NUP210: variants seen among roughly 807,000 people sequenced by gnomAD.
The protein encoded by NUP210 is nucleoporin 210.
Under a neutral mutation model 196.0 loss-of-function variants are expected in NUP210, and 151 were observed. The ratio of observed to expected loss-of-function variants is 0.77; its 90% confidence interval spans 0.67 to 0.88. The LOEUF is 0.88. NUP210 is among the 40% of genes least tolerant of loss of function. The probability of loss-of-function intolerance (pLI) is 0.00; values close to 1 mark genes in which losing one functional copy is unlikely to be tolerated. For missense variants in NUP210, 2,314 were observed against 2,493.7 expected (o/e 0.93, Z 1.53); for synonymous variants, 1,070 against 1,052.7 (o/e 1.02, Z -0.32).
At position 13,373,778 on chromosome 3, in the gene NUP210, G is replaced by C. The variant is rs113753878; in HGVS notation, c.1527C>G (p.Ile509Met). The change falls in exon 12 of 40, where the codon ATC becomes ATG. Residue 509 changes from isoleucine (I) to methionine (M), a missense_variant. Physicochemically the swap from Ile to Met is conservative, Grantham distance 10 (BLOSUM62 1). Coordinates refer to ENST00000254508, the MANE Select transcript of NUP210 (RefSeq NM_024923.4). ...CATGTGCCTGGATCACACTGAACCC[G>C]ATGTCACTGCCTGTGGTCATCACGC... ...VKGVMTTGSD[I>M]GFSVIQAHDV... 64 of 1,614,056 alleles carry C rather than the reference G, an allele frequency of 4.0e-5. No homozygotes were observed. Among genetic ancestry groups the C allele is most frequent in the Non-Finnish European group, 4.7e-5 (55 of 1,180,024 alleles).
intron 16 of NUP210, among the ~76,000 whole-genome samples, chr3:13,355,512 T>C (rs965853939): frequency 6.6e-6 from 1 of 152,162 alleles, no homozygotes; most frequent in African/African-American, 2.4e-5. Flanking sequence ...GCTTGTGCCA[T>C]GTGAAGCTAC....
At chr3:13,362,249 T>C (rs1260062439) in intron 14 of NUP210, among the ~76,000 whole-genome samples, 1 of 151,962 alleles carries the variant, frequency 6.6e-6, no homozygotes, top group East Asian at 1.9e-4. Flanking sequence ...GGTGGAAGGG[T>C]CATGCTAGCT....
chr3:13,351,995 T>C lies in NUP210; in HGVS notation c.2734-15A>G, dbSNP rs745793063. 1 of 1,607,344 alleles carries C rather than the reference T, an allele frequency of 6.2e-7. No homozygotes were observed. Among genetic ancestry groups the C allele is most frequent in the Non-Finnish European group, 8.5e-7 (1 of 1,174,340 alleles). ...CGGAGCTCTGCCTGCAGGAGGCAGA[T>C]GCAGGGAGGGTTGGGCCGCATGTGG... is the stretch of plus-strand genomic sequence containing the variant. On this transcript the variant is annotated splice_polypyrimidine_tract_variant and intron_variant, in intron 19 of 39. Transcript: ENST00000254508.
At position 13,319,762 on chromosome 3, in the gene NUP210, C is replaced by T. The variant is rs202157053; in HGVS notation, c.5383+1G>A. On this transcript the variant is annotated splice_donor_variant, in intron 37 of 39. Coordinates refer to ENST00000254508, the MANE Select transcript of NUP210 (RefSeq NM_024923.4). LOFTEE classifies it high-confidence loss of function. ...CCAGATGATGTCGTTCCGTGACTCACAAGGACCGGGCCCACGGCGATCCAC... is the reference window on the plus strand; with the variant it reads ...CCAGATGATGTCGTTCCGTGACTCATAAGGACCGGGCCCACGGCGATCCAC... 7.6e-5 allele frequency: 122 copies of T among 1,613,858 alleles called. No homozygotes were observed. Among genetic ancestry groups the T allele is most frequent in the Non-Finnish European group, 9.6e-5 (113 of 1,179,870 alleles).
intron 36 of NUP210, among the ~76,000 whole-genome samples, 156 bp from the exon 37 acceptor site, chr3:13,320,135 C>G (rs1448993929): frequency 6.6e-6 from 1 of 152,100 alleles, no homozygotes; most frequent in Non-Finnish European, 1.5e-5. Context: ...CTCCTGGGGC[C>G]CAAGGGTACA....
rs367651158 is a variant in NUP210, at chr3:13,394,332, C to A, written c.436+3025G>T. 2.6e-4 allele frequency among the ~76,000 whole-genome samples: 40 copies of A among 152,312 alleles called. 3 individuals are homozygous for A. Among genetic ancestry groups the A allele is most frequent in the South Asian group, 2.3e-3 (11 of 4,828 alleles). ...GTGGGCCAGGAAATAGCTGTGAAAA[C>A]CTCTGCTCAAAGTTTTGCTTTTTCC... On this transcript the variant is annotated intron_variant, in intron 3 of 39. Transcript: ENST00000254508.
intron 33 of NUP210, among the ~76,000 whole-genome samples, chr3:13,324,894 G>A (rs1200235494): frequency 2.0e-5 from 3 of 152,204 alleles, no homozygotes; most frequent in Non-Finnish European, 4.4e-5. Context: ...CTTCTGACGT[G>A]CTAACTCACT....
chr3:13,377,678 C>T, intron 8 of NUP210, 116 bp from the exon 9 acceptor site: 1 of 714,286 alleles, frequency 1.4e-6, no homozygotes, highest in Non-Finnish European at 2.4e-6. Flanking sequence ...AAGCCCCACT[C>T]CACCCACCTG....
rs200363451 is a variant in NUP210 at position 13,339,844 on chromosome 3, C to T, written c.3471+10G>A. The T allele has an allele frequency of 1.9e-5, 31 of 1,608,238 alleles. No individual in the cohort carries two copies. The highest frequency in any genetic ancestry group is 1.5e-4 in the Admixed American group (9 of 60,020). The stretch of plus-strand genomic sequence containing the variant: ...CACAGCTGCCCAGTCTCCAATAGCA[C>T]GCCTGTTACCTGAGAGATGATGACC... On this transcript the variant is annotated intron_variant, in intron 25 of 39. Transcript: ENST00000254508.
chr3:13,347,931 C>T lies in NUP210; in HGVS notation c.2835+3948G>A, dbSNP rs1697814086. Among the ~76,000 whole-genome samples the T allele has an allele frequency of 6.6e-6, 1 of 152,206 alleles. No homozygotes were observed. Among genetic ancestry groups the T allele is most frequent in the Non-Finnish European group, 1.5e-5 (1 of 68,040 alleles). ...AGCCTGAAATGAAGGGAGGTGAAGACCCCAGTGGGCAGGGCGCCTCCATGG... is the reference window on the plus strand; with the variant it reads ...AGCCTGAAATGAAGGGAGGTGAAGATCCCAGTGGGCAGGGCGCCTCCATGG... On this transcript the variant is annotated intron_variant, in intron 20 of 39. Transcript: ENST00000254508. The surrounding 1 kb of genome is among the most constrained non-coding windows in gnomAD (Gnocchi z 4.7).
chr3:13,391,201 C>G lies in NUP210; in HGVS notation c.533+10G>C. ...TCAAAGGGGCCAGGCCTAGCAGAGGCACCCCTTACCGCAGCGCATTGTGGG... is the reference window on the plus strand; with the variant it reads ...TCAAAGGGGCCAGGCCTAGCAGAGGGACCCCTTACCGCAGCGCATTGTGGG... On this transcript the variant is annotated intron_variant, in intron 4 of 39. Coordinates refer to ENST00000254508, the MANE Select transcript of NUP210 (RefSeq NM_024923.4). 2 of 1,602,986 alleles carry G rather than the reference C, an allele frequency of 1.2e-6. No homozygotes were observed. The highest frequency in any genetic ancestry group is 2.7e-5 in the African/African-American group (2 of 74,756).
intron 5 of NUP210, 139 bp downstream of exon 5, chr3:13,388,164 C>A: frequency 1.5e-6 from 1 of 650,020 alleles, no homozygotes; most frequent in Non-Finnish European, 2.5e-6. Context: ...AAAATATGAA[C>A]CCACATCCTG....
At position 13,379,475 on chromosome 3, in the gene NUP210, C is replaced by T; in HGVS notation, c.976+88G>A. On this transcript the variant is annotated intron_variant, in intron 7 of 39. Transcript: ENST00000254508. The surrounding 1 kb of genome is among the most constrained non-coding windows in gnomAD (Gnocchi z 4.2). The stretch of plus-strand genomic sequence containing the variant: ...TTGAGGGGAAACGGCTATTTTTAGC[C>T]CTGCCGAGCTTTCAGGGAAAAAAAG... 1 of 1,531,554 alleles carries T rather than the reference C, an allele frequency of 6.5e-7. No individual in the cohort carries two copies. The highest frequency in any genetic ancestry group is 9.0e-7 in the Non-Finnish European group (1 of 1,111,844). The allele number at this position is 1,531,554 out of a possible 1,614,324, so 94.9% of individuals were successfully genotyped here. A position where few individuals can be genotyped will look rare whatever the true frequency, so the allele number is the denominator to read the frequency against.
At chr3:13,399,669 G>A in intron 2 of NUP210, 56 bp downstream of exon 2, 1 of 1,611,912 alleles carries the variant, frequency 6.2e-7, no homozygotes, top group Non-Finnish European at 8.5e-7. Context: ...GGTCTTAGTG[G>A]GCGTTTCCCT....
intron 16 of NUP210, among the ~76,000 whole-genome samples, chr3:13,356,614 G>C (rs1429604348): frequency 6.6e-6 from 1 of 152,220 alleles, no homozygotes; most frequent in Non-Finnish European, 1.5e-5. Flanking sequence ...CTGCACTCCA[G>C]CCTGGGCAAC....
At chr3:13,416,667 C>T (rs1032465853) in intron 1 of NUP210, among the ~76,000 whole-genome samples, 1 of 152,202 alleles carries the variant, frequency 6.6e-6, no homozygotes, top group African/African-American at 2.4e-5. Flanking sequence ...CCTGGGACTC[C>T]ATGACAGGGA....
intron 1 of NUP210, among the ~76,000 whole-genome samples, chr3:13,413,189 C>T (rs1166046863): frequency 4.6e-5 from 7 of 151,986 alleles, no homozygotes; most frequent in African/African-American, 7.3e-5. Context: ...TGCTTGAGGC[C>T]GGGCGCGGTG....
Position 13,319,787 on chromosome 3 carries a change from C to T in NUP210, c.5359G>A (p.Val1787Met), listed in dbSNP as rs354478. Residue 1787 changes from valine to methionine, a missense_variant, in exon 37 of 40, where the codon GTG becomes ATG. Transcript: ENST00000254508. Reference protein sequence around the residue: ...IAIPVTVAFVVDRRGPGPYGA... With the variant: ...IAIPVTVAFVMDRRGPGPYGA... The stretch of plus-strand genomic sequence containing the variant: ...CAAGGACCGGGCCCACGGCGATCCA[C>T]CACAAAAGCCACTGTCACTGGGATG... The T allele has an allele frequency of 0.51, 826,776 of 1,613,590 alleles. 214,370 individuals are homozygous for T. Among genetic ancestry groups the T allele is most frequent in the Admixed American group, 0.64 (38,410 of 59,984 alleles).
chr3:13,367,166 G>A (rs907994858), intron 13 of NUP210, among the ~76,000 whole-genome samples: 1 of 151,670 alleles, frequency 6.6e-6, no homozygotes, highest in Non-Finnish European at 1.5e-5. Flanking sequence ...GCCGGGCATG[G>A]TGGCTCACAC....
Sources: gnomAD v4.1 joint callset for allele counts (sites outside exome capture counted in the v4.1 genomes callset) on GRCh38, gnomAD v4.1.1 for gene constraint, Gnocchi (gnomAD v3.1) non-coding constraint, MANE v1.5 for transcripts, NCBI Gene and HGNC (gene_info 2026-07-23, HGNC 2026-07-21) for gene names.